The following CADM2 variants were observed in gnomAD, a reference collection of about 807,000 sequenced individuals.
CADM2 encodes cell adhesion molecule 2, also known as immunoglobulin superfamily member 4D.
A neutral mutation model predicts 49.8 loss-of-function variants in CADM2; 12 were observed. That is an observed-to-expected ratio of 0.24 (90% confidence interval 0.15 to 0.39). CADM2 has a LOEUF of 0.39. Among genes scored for constraint, CADM2 ranks in the 10% least tolerant of loss-of-function variants. The pLI is 1.00. For missense variants in CADM2, 378 were observed against 492.3 expected (o/e 0.77, Z 2.20); for synonymous variants, 214 against 175.4 (o/e 1.22, Z -1.74).
At chr3:85,157,902 C>T (rs1365314466) in intron 1 of CADM2, among the ~76,000 whole-genome samples, 1 of 152,256 alleles carries the variant, frequency 6.6e-6, no homozygotes, top group South Asian at 2.1e-4. Flanking sequence ...AGTGAACAGG[C>T]AACCTACAAA....
At chr3:85,109,717 T>C (rs905317074) in intron 1 of CADM2, among the ~76,000 whole-genome samples, 11 of 152,014 alleles carry the variant, frequency 7.2e-5, no homozygotes, top group African/African-American at 2.7e-4. Flanking sequence ...TTATTTATAA[T>C]GGTTAGCATA....
intron 1 of CADM2, among the ~76,000 whole-genome samples, chr3:85,396,073 T>C (rs536622473): frequency 7.2e-4 from 109 of 151,140 alleles, no homozygotes; most frequent in Non-Finnish European, 1.3e-3. Context: ...TATGCAATTA[T>C]ATTTTCAGTA....
intron 1 of CADM2, among the ~76,000 whole-genome samples, chr3:85,068,092 T>G (rs989710624): frequency 6.6e-6 from 1 of 152,194 alleles, no homozygotes; most frequent in African/African-American, 2.4e-5. Flanking sequence ...CTCTAGACAC[T>G]ATTTTTAACG....
chr3:85,481,779 C>CT (rs974462457), intron 1 of CADM2, among the ~76,000 whole-genome samples: 2 of 150,462 alleles, frequency 1.3e-5, no homozygotes, highest in African/African-American at 4.9e-5. Flanking sequence ...GTGAAACTTT[C>CT]TTTTTTCAGA....
At chr3:85,580,332 A>C (rs1010264904) in intron 1 of CADM2, among the ~76,000 whole-genome samples, 1 of 152,180 alleles carries the variant, frequency 6.6e-6, no homozygotes, top group Non-Finnish European at 1.5e-5. Context: ...CATTTAAGAA[A>C]AAAAAATAAG....
intron 1 of CADM2, among the ~76,000 whole-genome samples, chr3:85,445,807 A>C (rs1053453724): frequency 1.3e-5 from 2 of 152,148 alleles, no homozygotes; most frequent in African/African-American, 4.8e-5. Context: ...AAAGGTAACT[A>C]TAACTTGAGG....
chr3:85,544,095 T>C (rs1263515303), intron 1 of CADM2, among the ~76,000 whole-genome samples: 2 of 152,134 alleles, frequency 1.3e-5, no homozygotes, highest in Non-Finnish European at 2.9e-5. Context: ...AAAACACAAT[T>C]TTTAAGAAAA....
chr3:85,693,596 A>AGCC (rs2066457148), intron 1 of CADM2, among the ~76,000 whole-genome samples: 3 of 148,708 alleles, frequency 2.0e-5, no homozygotes, highest in African/African-American at 7.4e-5. Context: ...AAAAGAAAAA[A>AGCC]TCAGAAGGAG....
chr3:85,855,059 A>G (rs2075255678), intron 3 of CADM2, among the ~76,000 whole-genome samples: 1 of 152,088 alleles, frequency 6.6e-6, no homozygotes, highest in African/African-American at 2.4e-5. Flanking sequence ...TGACACCCCA[A>G]GAGATTTTCA....
intron 3 of CADM2, among the ~76,000 whole-genome samples, chr3:85,811,960 C>T (rs1025335249): frequency 5.3e-5 from 8 of 150,638 alleles, no homozygotes; most frequent in African/African-American, 2.0e-4. Context: ...CTGTGCACAT[C>T]TAAGCATATT....
intron 1 of CADM2, among the ~76,000 whole-genome samples, chr3:85,342,434 T>G (rs2029970123): frequency 6.6e-6 from 1 of 152,216 alleles, no homozygotes; most frequent in African/African-American, 2.4e-5. Context: ...GATTTATACA[T>G]AATTTCAATT....
chr3:85,425,353 G>A (rs1276034927), intron 1 of CADM2, among the ~76,000 whole-genome samples: 1 of 152,030 alleles, frequency 6.6e-6, no homozygotes, highest in Non-Finnish European at 1.5e-5. Context: ...TTCAGCTCTT[G>A]TTTTCCTTTT....
At chr3:85,552,073 C>A (rs1403303308) in intron 1 of CADM2, among the ~76,000 whole-genome samples, 2 of 151,856 alleles carry the variant, frequency 1.3e-5, no homozygotes, top group Non-Finnish European at 2.9e-5. Context: ...TTCATGATTC[C>A]TGAGTAGAAA....
chr3:85,484,892 C>G (rs2039355329), intron 1 of CADM2, among the ~76,000 whole-genome samples: 1 of 151,828 alleles, frequency 6.6e-6, no homozygotes, highest in Admixed American at 6.6e-5. Flanking sequence ...GGATTTTTGA[C>G]TCATGTCTTA....
chr3:85,973,681 G>A (rs1726435655), intron 8 of CADM2, among the ~76,000 whole-genome samples: 2 of 151,684 alleles, frequency 1.3e-5, no homozygotes, highest in Admixed American at 1.3e-4. Context: ...ATTTGAAAAT[G>A]TTATTATAAC....
At chr3:86,051,381 T>C (rs1448254799) in intron 8 of CADM2, among the ~76,000 whole-genome samples, 30 of 152,158 alleles carry the variant, frequency 2.0e-4, no homozygotes. Flanking sequence ...TCACAACCAT[T>C]CAGCAAGTCT....
chr3:85,154,154 A>G (rs2040022480), intron 1 of CADM2, among the ~76,000 whole-genome samples: 1 of 152,162 alleles, frequency 6.6e-6, no homozygotes, highest in Non-Finnish European at 1.5e-5. Context: ...CTACGGGAGG[A>G]CATTCAAACC....
intron 1 of CADM2, among the ~76,000 whole-genome samples, chr3:85,435,368 T>C (rs755724892): frequency 2.0e-5 from 3 of 152,138 alleles, no homozygotes; most frequent in Admixed American, 6.6e-5. Context: ...TATGGCTGCA[T>C]AGTATTCCAT....
intron 3 of CADM2, among the ~76,000 whole-genome samples, chr3:85,848,453 A>G (rs916618639): frequency 2.6e-5 from 4 of 152,178 alleles, no homozygotes; most frequent in African/African-American, 9.6e-5. Context: ...AAACCATAAA[A>G]TAATCAAAAT....
Sources: gnomAD v4.1 joint callset for allele counts (sites outside exome capture counted in the v4.1 genomes callset) on GRCh38, gnomAD v4.1.1 for gene constraint, MANE v1.5 for transcripts, NCBI Gene and HGNC (gene_info 2026-07-23, HGNC 2026-07-21) for gene names.